DNAH14: variants seen among roughly 807,000 people sequenced by gnomAD.
DNAH14 encodes axonemal beta dynein heavy chain 14.
In DNAH14, 478 loss-of-function variants were observed where a neutral mutation model predicts 520.9. The ratio of observed to expected loss-of-function variants is 0.92; its 90% confidence interval spans 0.85 to 0.99. DNAH14 has a LOEUF of 0.99. Ranked by LOEUF, DNAH14 falls within the 50% of genes least tolerant of loss-of-function variation. The probability of loss-of-function intolerance (pLI) is 0.00; values close to 1 mark genes in which losing one functional copy is unlikely to be tolerated. For missense variants in DNAH14, 4,831 were observed against 5,234.5 expected, an observed-to-expected ratio of 0.92 and a Z score of 2.38; for synonymous variants, 1,581 against 1,757.2, an observed-to-expected ratio of 0.90 and a Z score of 2.51.
At chr1:225,352,789 T>C (rs1468640963) in intron 72 of DNAH14, among the ~76,000 whole-genome samples, 1 of 152,098 alleles carries the variant, frequency 6.6e-6, no homozygotes, top group Non-Finnish European at 1.5e-5. Flanking sequence ...TGCGTTTAAA[T>C]GTTTGTATAG....
intron 54 of DNAH14, among the ~76,000 whole-genome samples, chr1:225,284,254 G>T (rs923159847): frequency 6.6e-6 from 1 of 151,756 alleles, no homozygotes; most frequent in Non-Finnish European, 1.5e-5. Flanking sequence ...TTCTTTGCTA[G>T]ACTGACCAAG....
intron 11 of DNAH14, among the ~76,000 whole-genome samples, chr1:225,031,524 C>A (rs2066523486): frequency 6.7e-6 from 1 of 150,338 alleles, no homozygotes; most frequent in African/African-American, 2.4e-5. Flanking sequence ...GACCCATGCT[C>A]TAGAGTAACC....
At chr1:225,393,314 C>T (rs1022176705) in intron 84 of DNAH14, among the ~76,000 whole-genome samples, 19 of 152,118 alleles carry the variant, frequency 1.2e-4, no homozygotes, top group African/African-American at 4.1e-4. Flanking sequence ...AGAAATGCAT[C>T]GTTAAGAGTG....
At chr1:225,160,272 A>G (rs1037677228) in intron 35 of DNAH14, among the ~76,000 whole-genome samples, 2 of 152,134 alleles carry the variant, frequency 1.3e-5, no homozygotes, top group African/African-American at 4.8e-5. Context: ...AGGCCATTAA[A>G]CATGTTGATT....
intron 1 of DNAH14, among the ~76,000 whole-genome samples, chr1:224,932,233 T>G (rs2058742202): frequency 6.6e-6 from 1 of 152,160 alleles, no homozygotes; most frequent in Admixed American, 6.5e-5. Context: ...TTCAAATACC[T>G]ATTGGCTGGT....
At position 225,167,996 on chromosome 1, in the gene DNAH14, G is replaced by T; in HGVS notation, c.5503G>T (p.Glu1835Ter). 6.5e-7 allele frequency: 1 copy of T among 1,540,178 alleles called. No individual in the cohort carries two copies. Residue 1835 changes from glutamate to a stop codon, truncating the protein, a stop_gained, in exon 36 of 86, where the codon GAG becomes TAG. Coordinates refer to ENST00000682510, the MANE Select transcript of DNAH14 (RefSeq NM_001367479.1). LOFTEE classifies it high-confidence loss of function. The stretch of plus-strand genomic sequence containing the variant: ...TTTACAAAACTGGTCATCTCAGAAA[G>T]AGAAGATTATACAGTTTTATAATCA... Reference protein sequence around the residue: ...LGLQNWSSQKEKIIQFYNQLQ... With the variant: ...LGLQNWSSQK
At chr1:225,018,643 G>A (rs1274997996) in intron 10 of DNAH14, among the ~76,000 whole-genome samples, 1 of 152,088 alleles carries the variant, frequency 6.6e-6, no homozygotes, top group Non-Finnish European at 1.5e-5. Flanking sequence ...ATCTTAAAGG[G>A]AGTTAGAGAG....
intron 72 of DNAH14, among the ~76,000 whole-genome samples, chr1:225,352,236 C>A (rs191762012): frequency 6.6e-6 from 1 of 152,182 alleles, no homozygotes; most frequent in East Asian, 1.9e-4. Flanking sequence ...AAGGATCTTA[C>A]CTTAAATTCA....
intron 17 of DNAH14, among the ~76,000 whole-genome samples, chr1:225,056,793 T>C (rs1487304723): frequency 1.3e-5 from 2 of 152,206 alleles, no homozygotes; most frequent in Non-Finnish European, 2.9e-5. Flanking sequence ...AGGGAATACT[T>C]TCCCCATTTC....
intron 62 of DNAH14, among the ~76,000 whole-genome samples, chr1:225,323,832 T>G (rs1220481599): frequency 6.6e-6 from 1 of 152,022 alleles, no homozygotes. Context: ...TTTTGTTTTT[T>G]TTTAGACAGA....
At chr1:225,095,247 C>A (rs1278373904) in intron 21 of DNAH14, among the ~76,000 whole-genome samples, 2 of 152,122 alleles carry the variant, frequency 1.3e-5, no homozygotes, top group Non-Finnish European at 2.9e-5. Context: ...TGGAATTAAC[C>A]TAAATGCCCA....
chr1:225,380,588 A>G (rs933996199), intron 80 of DNAH14, among the ~76,000 whole-genome samples: 6 of 152,102 alleles, frequency 3.9e-5, no homozygotes, highest in Non-Finnish European at 8.8e-5. Flanking sequence ...GAAAGCAGCA[A>G]CTCTGCTTTG....
At chr1:225,158,747 G>T (rs1012520675) in intron 34 of DNAH14, among the ~76,000 whole-genome samples, 1 of 152,148 alleles carries the variant, frequency 6.6e-6, no homozygotes, top group Non-Finnish European at 1.5e-5. Context: ...TATTCACAGA[G>T]TCCATTTTGC....
intron 2 of DNAH14, 30 bp downstream of exon 2, chr1:224,952,809 T>A: frequency 6.6e-7 from 1 of 1,514,582 alleles, no homozygotes; most frequent in Non-Finnish European, 8.9e-7. Context: ...TAATGAGTTT[T>A]TTTCTAAAGT....
chr1:225,011,090 CTA>C (rs771254433), intron 10 of DNAH14, among the ~76,000 whole-genome samples: 1 of 150,822 alleles, frequency 6.6e-6, no homozygotes, highest in African/African-American at 2.4e-5. Flanking sequence ...TTGTGTGTCT[CTA>C]TTTCCTTCAG....
At chr1:225,247,697 T>A (rs1227117435) in intron 43 of DNAH14, among the ~76,000 whole-genome samples, 8 of 152,210 alleles carry the variant, frequency 5.3e-5, no homozygotes, top group Non-Finnish European at 1.5e-5. Context: ...AAAGTTTTTA[T>A]AGAGAAAAGA....
chr1:225,298,845 G>A (rs2094074053), intron 55 of DNAH14, among the ~76,000 whole-genome samples: 1 of 152,200 alleles, frequency 6.6e-6, no homozygotes, highest in Admixed American at 6.5e-5. Flanking sequence ...AATGACTGTA[G>A]GTGTTTCAGT....
chr1:225,177,674 T>C (rs1352481246), intron 36 of DNAH14, among the ~76,000 whole-genome samples: 1 of 152,182 alleles, frequency 6.6e-6, no homozygotes, highest in East Asian at 1.9e-4. Flanking sequence ...TTCCATGTGA[T>C]GTTGAGCCTG....
Position 225,270,760 on chromosome 1 carries a change from C to G in DNAH14, c.7565C>G (p.Ala2522Gly). 1 of 1,551,294 alleles carries G rather than the reference C, an allele frequency of 6.4e-7. No homozygotes were observed. Among genetic ancestry groups the G allele is most frequent in the African/African-American group, 1.4e-5 (1 of 73,144 alleles). Reference protein sequence around the residue: ...WKNIQDLSIVAACVPVVNDIS... With the variant: ...WKNIQDLSIVGACVPVVNDIS... ...AATATTCAAGATCTGTCTATAGTTG[C>G]AGCTTGTGTTCCAGTTGTGAATGAT... The change falls in exon 50 of 86, where the codon GCA becomes GGA. Residue 2522 changes from alanine to glycine, a missense_variant. Physicochemically the swap from Ala to Gly is moderately conservative, Grantham distance 60 (BLOSUM62 0). Transcript: ENST00000682510.
Sources: gnomAD v4.1 joint callset for allele counts (sites outside exome capture counted in the v4.1 genomes callset) on GRCh38, gnomAD v4.1.1 for gene constraint, MANE v1.5 for transcripts, NCBI Gene and HGNC (gene_info 2026-07-23, HGNC 2026-07-21) for gene names.